MAF: variants seen among roughly 807,000 people sequenced by gnomAD.
The protein encoded by MAF is MAF bZIP transcription factor, also known as transcription factor Maf.
In MAF, 10 loss-of-function variants were observed where a neutral mutation model predicts 22.0. The ratio of observed to expected loss-of-function variants is 0.45; its 90% CI spans 0.28 to 0.77. MAF has a LOEUF of 0.77. Among genes scored for constraint, MAF ranks in the 30% least tolerant of loss-of-function variants. The pLI, the probability that MAF is intolerant of heterozygous loss-of-function variation, is 0.12. For missense variants in MAF, 544 were observed against 548.4 expected (o/e 0.99, Z 0.08); for synonymous variants, 337 against 255.8 (o/e 1.32, Z -3.03).
At chr16:79,246,071 A>G in the MAF span, among the ~76,000 whole-genome samples, 7 of 152,238 alleles carry the variant, frequency 4.6e-5, no homozygotes, top group Admixed American at 3.3e-4. Context: ...GTGAGGGGTT[A>G]GCGGAGGGAT....
At chr16:79,345,595 G>A in the MAF span, among the ~76,000 whole-genome samples, 1 of 151,798 alleles carries the variant, frequency 6.6e-6, no homozygotes. Context: ...AGGCATGGTG[G>A]TGGGCACCTG....
chr16:79,234,004 A>AG, the MAF span, among the ~76,000 whole-genome samples: 13 of 151,850 alleles, frequency 8.6e-5, no homozygotes, highest in Admixed American at 4.6e-4. Flanking sequence ...AAAAAAAAAA[A>AG]AGAGAGTAAG....
At chr16:79,576,667 G>T in the MAF span, among the ~76,000 whole-genome samples, 1 of 152,034 alleles carries the variant, frequency 6.6e-6, no homozygotes, top group African/African-American at 2.4e-5. Flanking sequence ...ACGGCAAAGT[G>T]ATTCTAAAAC....
the MAF span, among the ~76,000 whole-genome samples, chr16:79,338,090 A>T: frequency 0.28 from 42,467 of 152,164 alleles, 7,332 homozygotes; most frequent in East Asian, 0.53. Context: ...CACACAAAAC[A>T]TACACGCAAG....
chr16:79,503,833 T>C, the MAF span, among the ~76,000 whole-genome samples: 1 of 152,264 alleles, frequency 6.6e-6, no homozygotes, highest in Non-Finnish European at 1.5e-5. Flanking sequence ...TCATAATGTG[T>C]AATTCTGTCA....
the MAF span, among the ~76,000 whole-genome samples, chr16:79,227,030 G>T: frequency 5.9e-5 from 9 of 152,148 alleles, no homozygotes; most frequent in East Asian, 5.8e-4. Flanking sequence ...ATAAAAGCAG[G>T]TGGATTATTT....
At chr16:79,313,408 C>T in the MAF span, among the ~76,000 whole-genome samples, 1 of 152,116 alleles carries the variant, frequency 6.6e-6, no homozygotes, top group Non-Finnish European at 1.5e-5. Flanking sequence ...CAGTAAAAGG[C>T]CAGTCATGAC....
chr16:79,488,373 C>T, the MAF span, among the ~76,000 whole-genome samples: 1 of 152,168 alleles, frequency 6.6e-6, no homozygotes, highest in African/African-American at 2.4e-5. Flanking sequence ...AGGTAGGAGG[C>T]TCTGGGGCGA....
chr16:79,398,506 A>T, the MAF span, among the ~76,000 whole-genome samples: 2 of 152,142 alleles, frequency 1.3e-5, no homozygotes, highest in African/African-American at 4.8e-5. Flanking sequence ...GAGAAGATGG[A>T]GGGAGATAAT....
At chr16:79,565,883 T>G in the MAF span, among the ~76,000 whole-genome samples, 38 of 152,258 alleles carry the variant, frequency 2.5e-4, no homozygotes, top group Non-Finnish European at 4.9e-4. Flanking sequence ...ACTTGATAGA[T>G]GAGGAAACTG....
At chr16:79,586,572 T>C (rs980329286) in intron 1 of MAF, among the ~76,000 whole-genome samples, 16 of 152,208 alleles carry the variant, frequency 1.1e-4, no homozygotes, top group Admixed American at 2.0e-4. Flanking sequence ...GATATGAAAA[T>C]GAGGTTGCTT....
At chr16:79,375,321 C>T in the MAF span, among the ~76,000 whole-genome samples, 1 of 152,106 alleles carries the variant, frequency 6.6e-6, no homozygotes, top group Non-Finnish European at 1.5e-5. Context: ...GAGAGAATCC[C>T]TCCTCTCCTC....
chr16:79,224,350 G>A, the MAF span, among the ~76,000 whole-genome samples: 2 of 152,098 alleles, frequency 1.3e-5, no homozygotes, highest in African/African-American at 2.4e-5. Flanking sequence ...GGTATTGATG[G>A]AACGTATCTC....
chr16:79,535,111 G>A, the MAF span, among the ~76,000 whole-genome samples: 9 of 102,192 alleles, frequency 8.8e-5, no homozygotes, highest in African/African-American at 1.7e-4. Flanking sequence ...TTTTGAATTC[G>A]CCAGGAAAGG....
At chr16:79,404,135 C>A in the MAF span, among the ~76,000 whole-genome samples, 1 of 151,046 alleles carries the variant, frequency 6.6e-6, no homozygotes, top group Non-Finnish European at 1.5e-5. Context: ...TGTAGGAGCC[C>A]TTAACATGCA....
the MAF span, among the ~76,000 whole-genome samples, chr16:79,482,855 C>CTCCCTCCCTCCCTCTCCTCCT: frequency 2.3e-4 from 26 of 113,822 alleles, no homozygotes; most frequent in Admixed American, 5.0e-4. Context: ...CCTCCCCTCC[C>CTCCCTCCCTCCCTCTCCTCCT]CTCCCTCCCT....
At chr16:79,261,921 G>A in the MAF span, among the ~76,000 whole-genome samples, 2 of 151,844 alleles carry the variant, frequency 1.3e-5, no homozygotes, top group Non-Finnish European at 2.9e-5. Flanking sequence ...GGAGAGGGCT[G>A]GGAGAAGGAC....
the MAF span, among the ~76,000 whole-genome samples, chr16:79,569,667 A>G: frequency 6.6e-6 from 1 of 152,220 alleles, no homozygotes; most frequent in Non-Finnish European, 1.5e-5. Context: ...AGCCTTAGCT[A>G]CACAGTACAG....
chr16:79,391,872 A>AAGG, the MAF span, among the ~76,000 whole-genome samples: 342 of 136,972 alleles, frequency 2.5e-3, 1 homozygote, highest in African/African-American at 7.3e-3. Context: ...GGAGGAGGAG[A>AAGG]AGGAGGAGGA....
Sources: gnomAD v4.1 joint callset for allele counts (sites outside exome capture counted in the v4.1 genomes callset) on GRCh38, gnomAD v4.1.1 for gene constraint, MANE v1.5 for transcripts, NCBI Gene and HGNC (gene_info 2026-07-23, HGNC 2026-07-21) for gene names.